RND3: variants seen among roughly 807,000 people sequenced by gnomAD.
The protein encoded by RND3 is rho-related GTP-binding protein RhoE.
Under a neutral mutation model 26.5 loss-of-function variants are expected in RND3, and 8 were observed. That is an observed-to-expected ratio of 0.30 (90% CI 0.18 to 0.54). The LOEUF (loss-of-function observed/expected upper bound fraction) is 0.54. RND3 is among the 20% of genes least tolerant of loss of function. The probability of loss-of-function intolerance (pLI) is 0.94; values close to 1 mark genes in which losing one functional copy is unlikely to be tolerated. For missense variants in RND3, 207 were observed against 302.8 expected (o/e 0.68, Z 2.35); for synonymous variants, 113 against 113.0 (o/e 1.00, Z 0.00).
At chr2:150,487,234 C>A in intron 2 of RND3, 34 bp downstream of exon 2, 5 of 1,542,474 alleles carry the variant, frequency 3.2e-6, no homozygotes, top group South Asian at 1.3e-5. Context: ...CACTGGCCGA[C>A]CCCCTCGTGG....
At chr2:150,474,771 T>A in intron 4 of RND3, 104 bp downstream of exon 4, 1 of 586,454 alleles carries the variant, frequency 1.7e-6, no homozygotes, top group South Asian at 2.6e-5. Flanking sequence ...TTACAAATTG[T>A]AAGGCAGGGA....
At chr2:150,479,622 C>T (rs1424956158) in intron 3 of RND3, among the ~76,000 whole-genome samples, 7 of 152,256 alleles carry the variant, frequency 4.6e-5, no homozygotes, top group Admixed American at 1.3e-4. Context: ...CACATCTGAA[C>T]GCAGCAGCAG....
At chr2:150,481,261 T>G (rs1376723335) in intron 3 of RND3, among the ~76,000 whole-genome samples, 2 of 152,194 alleles carry the variant, frequency 1.3e-5, no homozygotes, top group African/African-American at 2.4e-5. Flanking sequence ...TGTTGCTCCT[T>G]GAAAAATCCA....
Position 150,487,359 on chromosome 2 carries a change from T to A in RND3, c.59A>T (p.Gln20Leu). ...CACAACTATCTTGCATTTCACGTTC[T>A]GATTAGGATCCATGATAGATTTGCT... The part of the protein sequence containing the change: ...LSSKSIMDPN[Q>L]NVKCKIVVVG... The change falls in exon 2 of 6, where the codon CAG becomes CTG. Residue 20 changes from glutamine (Q) to leucine (L), a missense_variant. Coordinates refer to ENST00000263895, the MANE Select transcript of RND3 (RefSeq NM_005168.5). 6.2e-7 allele frequency: 1 copy of A among 1,600,502 alleles called. No homozygotes were observed. The highest frequency in any genetic ancestry group is 8.5e-7 in the Non-Finnish European group (1 of 1,172,842).
rs1052153453 is a variant in RND3, at chr2:150,486,461, C to T, written c.238+233G>A. Among the ~76,000 whole-genome samples, 7 of 152,254 alleles carry T rather than the reference C, an allele frequency of 4.6e-5. No homozygotes were observed. The highest frequency in any genetic ancestry group is 1.0e-4 in the Non-Finnish European group (7 of 68,044). ...GCCTGGCCACTAGTGGCTCCAACCG[C>T]GGGGTCACCCTGCGGGCACACAGCG... On this transcript the variant is annotated intron_variant, in intron 3 of 5. Coordinates refer to ENST00000263895, the MANE Select transcript of RND3 (RefSeq NM_005168.5). This position sits in a 1 kb window ranked among gnomAD's most constrained non-coding sequence, Gnocchi z 4.5.
intron 3 of RND3, among the ~76,000 whole-genome samples, chr2:150,478,921 G>T (rs943365225): frequency 6.6e-6 from 1 of 152,054 alleles, no homozygotes; most frequent in African/African-American, 2.4e-5. Context: ...TTTTAAGCTC[G>T]CAACCCTATT....
At chr2:150,482,661 G>A (rs1251841969) in intron 3 of RND3, among the ~76,000 whole-genome samples, 1 of 133,326 alleles carries the variant, frequency 7.5e-6, no homozygotes, top group Admixed American at 8.8e-5. Context: ...GAGTACTGTA[G>A]CCCTAAGAAT....
chr2:150,482,538 T>C (rs1342168288), intron 3 of RND3, among the ~76,000 whole-genome samples: 1 of 152,188 alleles, frequency 6.6e-6, no homozygotes, highest in Non-Finnish European at 1.5e-5. Flanking sequence ...CATTTTATAA[T>C]GAAAAATATT....
At chr2:150,475,160 T>G in intron 3 of RND3, 176 bp from the exon 4 acceptor site, 1 of 535,384 alleles carries the variant, frequency 1.9e-6, no homozygotes, top group Non-Finnish European at 3.4e-6. Context: ...TAGAAATATA[T>G]GATGAATGAA....
chr2:150,478,920 C>T (rs1283647663), intron 3 of RND3, among the ~76,000 whole-genome samples: 7 of 152,140 alleles, frequency 4.6e-5, no homozygotes, highest in Admixed American at 1.3e-4. Context: ...CTTTTAAGCT[C>T]GCAACCCTAT....
chr2:150,475,833 A>T (rs1375676863), intron 3 of RND3, among the ~76,000 whole-genome samples: 1 of 152,162 alleles, frequency 6.6e-6, no homozygotes, highest in Non-Finnish European at 1.5e-5. Flanking sequence ...TGATCTAAGG[A>T]TCTTAACCTG....
intron 5 of RND3, among the ~76,000 whole-genome samples, chr2:150,470,939 A>G (rs1377571507): frequency 6.6e-6 from 1 of 152,188 alleles, no homozygotes; most frequent in Non-Finnish European, 1.5e-5. Flanking sequence ...TGCGTTGAGG[A>G]AAGGAATAAT....
intron 3 of RND3, among the ~76,000 whole-genome samples, chr2:150,482,119 G>T (rs564246290): frequency 6.6e-6 from 1 of 152,226 alleles, no homozygotes; most frequent in East Asian, 1.9e-4. Context: ...GTGTTCATGA[G>T]GCAATAGCAT....
At chr2:150,485,923 T>A (rs1183652931) in intron 3 of RND3, among the ~76,000 whole-genome samples, 1 of 151,040 alleles carries the variant, frequency 6.6e-6, no homozygotes, top group Non-Finnish European at 1.5e-5. Flanking sequence ...GACTGGAAGG[T>A]CAAAGGCGAA....
At chr2:150,477,991 G>T (rs145877683) in intron 3 of RND3, among the ~76,000 whole-genome samples, 197 of 152,158 alleles carry the variant, frequency 1.3e-3, no homozygotes, top group African/African-American at 4.6e-3. Context: ...AGCATAATTT[G>T]ACTGCCAATG....
intron 3 of RND3, among the ~76,000 whole-genome samples, chr2:150,481,462 G>A (rs1041503150): frequency 2.0e-5 from 3 of 152,082 alleles, no homozygotes; most frequent in Non-Finnish European, 2.9e-5. Flanking sequence ...CACTTAATCC[G>A]GGCTTCTCAT....
chr2:150,474,816 C>T, intron 4 of RND3, 59 bp downstream of exon 4: 1 of 976,742 alleles, frequency 1.0e-6, no homozygotes. Context: ...CAACAAACCC[C>T]ACGTTTCTAT....
chr2:150,474,825 AT>A, intron 4 of RND3, 49 bp downstream of exon 4: 1 of 1,071,576 alleles, frequency 9.3e-7, no homozygotes, highest in Non-Finnish European at 1.4e-6. Flanking sequence ...CCACGTTTCT[AT>A]TTATACATCA....
intron 3 of RND3, among the ~76,000 whole-genome samples, chr2:150,481,575 C>T (rs913921626): frequency 6.6e-6 from 1 of 152,076 alleles, no homozygotes; most frequent in African/African-American, 2.4e-5. Context: ...CTGTGAGTAC[C>T]TAAGGGCAGA....
Sources: gnomAD v4.1 joint callset for allele counts (sites outside exome capture counted in the v4.1 genomes callset) on GRCh38, gnomAD v4.1.1 for gene constraint, Gnocchi (gnomAD v3.1) non-coding constraint, MANE v1.5 for transcripts, NCBI Gene and HGNC (gene_info 2026-07-23, HGNC 2026-07-21) for gene names.